The following B9D1 variants were observed in gnomAD, a reference collection of about 807,000 sequenced individuals.
The protein encoded by B9D1 is B9 domain-containing protein 1.
In B9D1, 20 loss-of-function variants were observed where a neutral mutation model predicts 26.1. The ratio of observed to expected loss-of-function variants is 0.77; its 90% CI spans 0.54 to 1.12. The LOEUF is 1.12. B9D1 is among the 50% of genes most tolerant of loss of function. The pLI is 0.00. For missense variants in B9D1, 260 were observed against 273.7 expected (o/e 0.95, Z 0.35); for synonymous variants, 105 against 103.1 (o/e 1.02, Z -0.11).
chr17:19,360,255 T>C, intron 2 of B9D1, 65 bp downstream of exon 2: 1 of 1,444,124 alleles, frequency 6.9e-7, no homozygotes, highest in Non-Finnish European at 9.7e-7. Flanking sequence ...AGGGGAAGGA[T>C]ATGACACCTT....
At position 19,362,704 on chromosome 17, in the gene B9D1, C is replaced by T; in HGVS notation, c.-135G>A. 6.6e-7 allele frequency: 1 copy of T among 1,507,472 alleles called. No individual in the cohort carries two copies. The highest frequency in any genetic ancestry group is 1.2e-5 in the South Asian group (1 of 83,304). 93.4% of individuals were successfully genotyped at this position (1,507,472 alleles called of 1,614,324 possible). ...CAGCGACACCTTCGCGAAGGCCACG[C>T]GAGTGCGCGTGTGGCATGCGCAGGC... On this transcript the variant is annotated 5_prime_UTR_variant, in exon 1 of 7. Transcript: ENST00000261499.
chr17:19,335,628 T>A, downstream of B9D1: 179 of 476,914 alleles, frequency 3.8e-4, no homozygotes, highest in Middle Eastern at 6.2e-4. Context: ...GGTGGGGGGC[T>A]AAGGGACCAG....
At chr17:19,375,253 G>A (rs187097193) in intron 1 of B9D1, among the ~76,000 whole-genome samples, 1 of 150,874 alleles carries the variant, frequency 6.6e-6, no homozygotes, top group African/African-American at 2.4e-5. Context: ...TCCTACCACC[G>A]CACTCTAGCC....
intron 5 of B9D1, among the ~76,000 whole-genome samples, chr17:19,345,929 T>C (rs563466276): frequency 9.9e-5 from 15 of 152,170 alleles, no homozygotes; most frequent in Non-Finnish European, 2.2e-4. Context: ...ATCAGAACTT[T>C]CTCCAGTTTT....
downstream of B9D1, among the ~76,000 whole-genome samples, chr17:19,342,280 G>C (rs770562250): frequency 6.6e-6 from 1 of 152,168 alleles, no homozygotes; most frequent in East Asian, 1.9e-4. Flanking sequence ...GTTTCAGAAC[G>C]CACAGTGAGT....
At chr17:19,350,834 AT>A (rs904320690) in intron 3 of B9D1, among the ~76,000 whole-genome samples, 16 of 144,024 alleles carry the variant, frequency 1.1e-4, no homozygotes, top group Admixed American at 2.1e-4. Flanking sequence ...GATGATCATG[AT>A]TTTTTTTTTC....
intron 2 of B9D1, 28 bp downstream of exon 2, chr17:19,360,292 G>C (rs138516568): frequency 6.2e-7 from 1 of 1,610,922 alleles, no homozygotes; most frequent in South Asian, 1.1e-5. Context: ...CATGAAGGCG[G>C]TAAGGGAGGC....
In B9D1 at chr17:19,347,812, C is replaced by T. The variant is rs759369800; in HGVS notation, c.313G>A (p.Ala105Thr). The T allele has an allele frequency of 3.1e-6, 5 of 1,613,880 alleles. No homozygotes were observed. The highest frequency in any genetic ancestry group is 2.5e-6 in the Non-Finnish European group (3 of 1,179,988). ...CCAGGTGAGAAGGGCACGTGCACGGCCCCATAGCCTCGAACCACATCGTTC... is the reference window on the plus strand; with the variant it reads ...CCAGGTGAGAAGGGCACGTGCACGGTCCCATAGCCTCGAACCACATCGTTC... Reference protein sequence around the residue: ...FGNDVVRGYGAVHVPFSPGRH... With the variant: ...FGNDVVRGYGTVHVPFSPGRH... The change falls in exon 4 of 7, where the codon GCC (alanine) becomes ACC (threonine). Residue 105 changes from alanine (A) to threonine (T), a missense_variant. Physicochemically the swap from Ala to Thr is moderately conservative, Grantham distance 58. Coordinates refer to ENST00000261499, the MANE Select transcript of B9D1 (RefSeq NM_015681.6). The surrounding 1 kb of genome is among the most constrained non-coding windows in gnomAD (Gnocchi z 4.3).
intron 1 of B9D1, among the ~76,000 whole-genome samples, chr17:19,376,306 A>G (rs1483193897): frequency 6.6e-6 from 1 of 152,122 alleles, no homozygotes. Flanking sequence ...TGGCCAGCAC[A>G]CCCTAAAATT....
upstream of B9D1, among the ~76,000 whole-genome samples, chr17:19,367,210 G>A (rs767231763): frequency 3.9e-5 from 6 of 152,134 alleles, no homozygotes; most frequent in Non-Finnish European, 7.3e-5. Flanking sequence ...ATTTGCCTCT[G>A]AGATGGAGCC....
At chr17:19,344,742 C>T (rs1447347214) in intron 5 of B9D1, among the ~76,000 whole-genome samples, 1 of 152,372 alleles carries the variant, frequency 6.6e-6, no homozygotes, top group East Asian at 1.9e-4. Flanking sequence ...TGGGCACCAG[C>T]GCTCACCTGG....
rs377672945 is a variant in B9D1, at chr17:19,347,804, G to A, written c.321C>T (p.His107=). 21 of 1,614,150 alleles carry A rather than the reference G, an allele frequency of 1.3e-5. No individual in the cohort carries two copies. Among genetic ancestry groups the A allele is most frequent in the East Asian group, 2.2e-5 (1 of 44,876 alleles). ...CCTACCGGCCAGGTGAGAAGGGCAC[G>A]TGCACGGCCCCATAGCCTCGAACCA... ...NDVVRGYGAV[H]VPFSPGRHKR... is the part of the protein sequence containing the mutation. The change falls in exon 4 of 7, where the codon CAC becomes CAT. Residue 107 remains histidine (H), a synonymous_variant. Coordinates refer to ENST00000261499, the MANE Select transcript of B9D1 (RefSeq NM_015681.6). This position sits in a 1 kb window ranked among gnomAD's most constrained non-coding sequence, Gnocchi z 4.3.
At chr17:19,356,925 T>C (rs1411105464) in intron 3 of B9D1, among the ~76,000 whole-genome samples, 1 of 152,194 alleles carries the variant, frequency 6.6e-6, no homozygotes, top group Non-Finnish European at 1.5e-5. Context: ...CTATTGAAAC[T>C]TCCTACTCAT....
intron 5 of B9D1, among the ~76,000 whole-genome samples, chr17:19,346,311 C>T (rs1362188293): frequency 6.6e-6 from 1 of 152,228 alleles, no homozygotes; most frequent in Non-Finnish European, 1.5e-5. Flanking sequence ...CCTGCCCTTC[C>T]TCCCCTCCAC....
At chr17:19,357,788 G>A in intron 3 of B9D1, 52 bp downstream of exon 3, 2 of 1,305,206 alleles carry the variant, frequency 1.5e-6, no homozygotes, top group Non-Finnish European at 2.2e-6. Flanking sequence ...TGTCTTGGGG[G>A]TGCTGTGTGA....
At chr17:19,344,002 A>C in intron 5 of B9D1, 145 bp from the exon 6 acceptor site, 1 of 1,295,040 alleles carries the variant, frequency 7.7e-7, no homozygotes, top group Non-Finnish European at 1.1e-6. Flanking sequence ...TCAGGCCCTA[A>C]GCAGAGCCTT....
chr17:19,376,228 C>T (rs903753176), intron 1 of B9D1, among the ~76,000 whole-genome samples: 2 of 152,052 alleles, frequency 1.3e-5, no homozygotes, highest in African/African-American at 4.8e-5. Flanking sequence ...GAGGAGTGAC[C>T]GTTAATGGGT....
In B9D1 at chr17:19,370,183, T is replaced by C. The variant is rs910389053; in HGVS notation, c.-298+7676A>G. Among the ~76,000 whole-genome samples the C allele has an allele frequency of 3.3e-5, 5 of 152,240 alleles. No individual in the cohort carries two copies. The highest frequency in any genetic ancestry group is 6.5e-5 in the Admixed American group (1 of 15,280). On this transcript the variant is annotated intron_variant, in intron 1 of 5. Transcript: ENST00000477478. The surrounding 1 kb of genome is among the most constrained non-coding windows in gnomAD (Gnocchi z 5.1). ...TTGCAAGCCTTGGTGATGGATTTTA[T>C]TCCATGAGATGGGGCAGCTGTTGCA... is the stretch of plus-strand genomic sequence containing the variant.
intron 3 of B9D1, among the ~76,000 whole-genome samples, chr17:19,353,908 C>A (rs182591926): frequency 9.9e-4 from 151 of 152,014 alleles, no homozygotes; most frequent in Non-Finnish European, 1.7e-3. Flanking sequence ...CCATTGCACT[C>A]CTGCCTGGGC....
Sources: allele counts gnomAD v4.1 joint callset (sites outside exome capture counted in the v4.1 genomes callset), GRCh38; gene constraint gnomAD v4.1.1; non-coding constraint Gnocchi (gnomAD v3.1); transcripts MANE v1.5; gene names NCBI Gene and HGNC (gene_info 2026-07-23, HGNC 2026-07-21).